Variants in PDE1A observed in about 807,000 individuals in gnomAD.
The protein encoded by PDE1A is dual specificity calcium/calmodulin-dependent 3',5'-cyclic nucleotide phosphodiesterase 1A.
Under a neutral mutation model 61.7 loss-of-function variants are expected in PDE1A, and 35 were observed. The ratio of observed to expected loss-of-function variants is 0.57; its 90% CI spans 0.43 to 0.75. PDE1A has a LOEUF of 0.75. PDE1A is among the 30% of genes least tolerant of loss of function. PDE1A has a pLI of 0.00. For missense variants in PDE1A, 597 were observed against 630.6 expected (o/e 0.95, Z 0.57); for synonymous variants, 232 against 213.2 (o/e 1.09, Z -0.77).
intron 1 of PDE1A, among the ~76,000 whole-genome samples, chr2:182,330,788 T>C (rs995807845): frequency 2.0e-5 from 3 of 152,204 alleles, no homozygotes; most frequent in Non-Finnish European, 2.9e-5. Context: ...ACTAGTTTCT[T>C]GGTTTCTCTA....
chr2:182,541,764 G>T, the PDE1A span, among the ~76,000 whole-genome samples: 1 of 152,250 alleles, frequency 6.6e-6, no homozygotes, highest in East Asian at 1.9e-4. Context: ...GAGTATTAAT[G>T]CTCTGAACGT....
At chr2:182,179,167 T>C (rs1176016893) in intron 13 of PDE1A, among the ~76,000 whole-genome samples, 3 of 152,186 alleles carry the variant, frequency 2.0e-5, no homozygotes, top group African/African-American at 7.2e-5. Context: ...TAATGAAGGG[T>C]ATATTATTTA....
chr2:182,546,887 G>A, the PDE1A span, among the ~76,000 whole-genome samples: 6 of 152,218 alleles, frequency 3.9e-5, no homozygotes, highest in Admixed American at 2.6e-4. Flanking sequence ...AAGAACTACC[G>A]CTTAAAGGAC....
intron 1 of PDE1A, among the ~76,000 whole-genome samples, chr2:182,398,896 G>A (rs1224526346): frequency 2.0e-5 from 3 of 151,910 alleles, no homozygotes; most frequent in Non-Finnish European, 4.4e-5. Flanking sequence ...TGTTACATGG[G>A]TTTGAATTTC....
At chr2:182,185,733 C>G in intron 13 of PDE1A, 159 bp downstream of exon 13, 1 of 1,380,116 alleles carries the variant, frequency 7.2e-7, no homozygotes, top group African/African-American at 1.5e-5. Context: ...AATAAATGAG[C>G]CAACTTTCTC....
intron 2 of PDE1A, among the ~76,000 whole-genome samples, chr2:182,512,093 A>G (rs1426402971): frequency 1.3e-5 from 2 of 152,026 alleles, no homozygotes; most frequent in African/African-American, 4.8e-5. Context: ...GTGCACACAG[A>G]GCCCACCACC....
intron 2 of PDE1A, among the ~76,000 whole-genome samples, chr2:182,483,066 C>CA: frequency 1.3e-5 from 2 of 151,876 alleles, no homozygotes; most frequent in Middle Eastern, 6.8e-3. Context: ...TACTTTGAAA[C>CA]AATAAATGTA....
At chr2:182,547,845 A>G in the PDE1A span, among the ~76,000 whole-genome samples, 1 of 152,212 alleles carries the variant, frequency 6.6e-6, no homozygotes, top group African/African-American at 2.4e-5. Context: ...ATTAACTGAT[A>G]AAGTAATTAT....
chr2:182,230,117 T>A (rs1689457997), exon 6 of PDE1A: 1 of 1,612,854 alleles, frequency 6.2e-7, no homozygotes, highest in Non-Finnish European at 8.5e-7. Flanking sequence ...CTAAAGCTTC[T>A]GCAAAGGTGA....
chr2:182,213,851 A>G (rs1343971906), intron 7 of PDE1A, among the ~76,000 whole-genome samples: 11 of 99,802 alleles, frequency 1.1e-4, no homozygotes, highest in African/African-American at 2.6e-4. Flanking sequence ...TCTGCAGGAT[A>G]TTATCCAGGA....
intron 7 of PDE1A, among the ~76,000 whole-genome samples, chr2:182,220,277 A>G (rs895965163): frequency 6.6e-6 from 1 of 152,048 alleles, no homozygotes; most frequent in Non-Finnish European, 1.5e-5. Flanking sequence ...TTTCCCAAGC[A>G]AAACACTGTG....
At chr2:182,171,666 T>C (rs1184893670) in intron 13 of PDE1A, among the ~76,000 whole-genome samples, 1 of 151,552 alleles carries the variant, frequency 6.6e-6, no homozygotes, top group East Asian at 1.9e-4. Flanking sequence ...GGGCTAATTA[T>C]TGGGGGTATA....
At chr2:182,357,713 A>T (rs1559372193) in intron 1 of PDE1A, among the ~76,000 whole-genome samples, 1 of 152,354 alleles carries the variant, frequency 6.6e-6, no homozygotes, top group East Asian at 1.9e-4. Context: ...AGAAATTTTA[A>T]CTAAAAATGA....
chr2:182,457,868 T>C (rs1341548115), intron 2 of PDE1A, among the ~76,000 whole-genome samples: 1 of 152,064 alleles, frequency 6.6e-6, no homozygotes, highest in Non-Finnish European at 1.5e-5. Flanking sequence ...AGGTTTGGTT[T>C]AATGAAGGGA....
chr2:182,512,185 C>T (rs527688767), intron 2 of PDE1A, among the ~76,000 whole-genome samples: 1 of 152,160 alleles, frequency 6.6e-6, no homozygotes, highest in South Asian at 2.1e-4. Flanking sequence ...CTTTTTCCAG[C>T]ACCTTTCTCC....
At chr2:182,266,842 G>C (rs1212928680) in intron 1 of PDE1A, among the ~76,000 whole-genome samples, 3 of 152,060 alleles carry the variant, frequency 2.0e-5, no homozygotes, top group African/African-American at 7.2e-5. Flanking sequence ...CACTAAGCAT[G>C]GTAGAAAAGA....
chr2:182,430,658 G>A (rs112573818), upstream of PDE1A, among the ~76,000 whole-genome samples: 1,066 of 106,964 alleles, frequency 1.0e-2, 1 homozygote, highest in Middle Eastern at 0.051. Context: ...ACATGCACAC[G>A]TATGTTTATT....
chr2:182,656,510 T>C, the PDE1A span, among the ~76,000 whole-genome samples: 4 of 152,192 alleles, frequency 2.6e-5, no homozygotes, highest in African/African-American at 9.7e-5. Flanking sequence ...GTATCAGGAA[T>C]ATGGACTGAT....
the PDE1A span, among the ~76,000 whole-genome samples, chr2:182,550,834 TTC>T: frequency 6.6e-6 from 1 of 152,142 alleles, no homozygotes; most frequent in Non-Finnish European, 1.5e-5. Flanking sequence ...CTGTTGGATC[TTC>T]TGTGTCCATA....
Sources: gnomAD v4.1 joint callset for allele counts (sites outside exome capture counted in the v4.1 genomes callset) on GRCh38, gnomAD v4.1.1 for gene constraint, MANE v1.5 for transcripts, NCBI Gene and HGNC (gene_info 2026-07-23, HGNC 2026-07-21) for gene names.